ZFR: variants seen among roughly 807,000 people sequenced by gnomAD.
ZFR encodes the protein zinc finger RNA-binding protein.
ZFR carries 19 observed loss-of-function variants against 130.7 expected under a neutral mutation model. The observed-to-expected ratio is 0.15, with a 90% CI of 0.10 to 0.21. The LOEUF (loss-of-function observed/expected upper bound fraction) is 0.21, where lower values mean the gene tolerates loss of function less well. Ranked by LOEUF, ZFR falls within the 10% of genes least tolerant of loss-of-function variation. The pLI, the probability that ZFR is intolerant of heterozygous loss-of-function variation, is 1.00. For missense variants in ZFR, 872 were observed against 1,321.5 expected (o/e 0.66, Z 5.27); for synonymous variants, 466 against 456.9 (o/e 1.02, Z -0.25).
chr5:32,354,706 G>A lies in ZFR; in HGVS notation c.*1054C>T, dbSNP rs1752269043. 6.6e-6 allele frequency: 1 copy of A among 152,562 alleles called. No individual in the cohort carries two copies. Among genetic ancestry groups the A allele is most frequent in the South Asian group, 2.1e-4 (1 of 4,824 alleles). The allele number at this position is 152,562 out of a possible 1,614,324, so 9.5% of individuals were successfully genotyped here. ...CTGTAAATTATCTGGGTGATGGGGTGTGTGGAGAAGATCATCTGTGTTATA... is the reference window on the plus strand; with the variant it reads ...CTGTAAATTATCTGGGTGATGGGGTATGTGGAGAAGATCATCTGTGTTATA... On this transcript the variant is annotated 3_prime_UTR_variant, in exon 20 of 20. Coordinates refer to ENST00000265069, the MANE Select transcript of ZFR (RefSeq NM_016107.5).
chr5:32,395,812 GCTTA>G (rs139572588), intron 10 of ZFR, among the ~76,000 whole-genome samples: 2,543 of 152,012 alleles, frequency 0.017, 37 homozygotes, highest in Non-Finnish European at 0.026. Flanking sequence ...CTCTTCTCTA[GCTTA>G]CTTTATTCTA....
Position 32,354,819 on chromosome 5 carries a change from T to C in ZFR, c.*941A>G, listed in dbSNP as rs1283992168. The C allele has an allele frequency of 6.6e-6, 1 of 152,522 alleles. No homozygotes were observed. The highest frequency in any genetic ancestry group is 1.5e-5 in the Non-Finnish European group (1 of 68,028). 9.4% of individuals were successfully genotyped at this position (152,522 alleles called of 1,614,324 possible). A position where few individuals can be genotyped will look rare whatever the true frequency, so the allele number is the denominator to read the frequency against. On this transcript the variant is annotated 3_prime_UTR_variant, in exon 20 of 20. Transcript: ENST00000265069. Reference sequence around the variant, plus strand: ...CTAGTTACTGTTGTTAGTTGTACAATGATGAAGTTCTTTTGAAAATATTGG... The same window carrying C: ...CTAGTTACTGTTGTTAGTTGTACAACGATGAAGTTCTTTTGAAAATATTGG...
intron 2 of ZFR, among the ~76,000 whole-genome samples, chr5:32,426,537 T>C (rs1032065796): frequency 2.0e-5 from 3 of 152,226 alleles, no homozygotes; most frequent in Non-Finnish European, 4.4e-5. Context: ...CAAAGCTGCA[T>C]GCTTTTACTG....
Position 32,419,903 on chromosome 5 carries a change from T to G in ZFR, c.338A>C (p.His113Pro), listed in dbSNP as rs1373271468. 2 of 1,613,904 alleles carry G rather than the reference T, an allele frequency of 1.2e-6. No homozygotes were observed. Among genetic ancestry groups the G allele is most frequent in the African/African-American group, 1.3e-5 (1 of 74,906 alleles). ...AGTATAACCATAGTCAGTTGCTGTG[T>G]GTGCAGTGGGGTAGCCTCCATAAGC... Reference protein sequence around the residue: ...AAAYGGYPTAHTATDYGYTQR... With the variant: ...AAAYGGYPTAPTATDYGYTQR... The change falls in exon 3 of 20, where the codon CAC becomes CCC. Residue 113 changes from histidine to proline, a missense_variant. By Grantham distance (77) the His-to-Pro change is moderately conservative. Around this residue, in one of 7 missense-constraint regions of ZFR, gnomAD observed 240 missense variants for 441.2 expected, o/e 0.54. Transcript: ENST00000265069.
At chr5:32,366,218 T>C (rs111566014) in intron 17 of ZFR, among the ~76,000 whole-genome samples, 2,865 of 152,320 alleles carry the variant, frequency 0.019, 85 homozygotes, top group African/African-American at 0.066. Context: ...TAGCAAAATA[T>C]TGATGTTGTG....
chr5:32,394,226 G>C (rs1410055162), intron 11 of ZFR, among the ~76,000 whole-genome samples: 1 of 152,028 alleles, frequency 6.6e-6, no homozygotes, highest in East Asian at 1.9e-4. Flanking sequence ...ACTAATGAAC[G>C]AATAAACAAA....
In ZFR at chr5:32,388,503, C is replaced by T; in HGVS notation, c.2314G>A (p.Glu772Lys). 1 of 1,614,000 alleles carries T rather than the reference C, an allele frequency of 6.2e-7. No homozygotes were observed. The highest frequency in any genetic ancestry group is 8.5e-7 in the Non-Finnish European group (1 of 1,179,916). The change falls in exon 13 of 20, where the codon GAG becomes AAG. Residue 772 changes from glutamate (E) to lysine (K), a missense_variant. Around this residue, in one of 7 missense-constraint regions of ZFR, gnomAD observed 225 missense variants for 282.4 expected, o/e 0.80. Transcript: ENST00000265069. Reference protein sequence around the residue: ...LSEHEKNKNKEGDDKKEGGKD... With the variant: ...LSEHEKNKNKKGDDKKEGGKD... Reference sequence around the variant, plus strand: ...CCTCCCTCTTTCTTATCATCTCCCTCTTTGTTCTTGTTCTTCTCATGTTCA... The same window carrying T: ...CCTCCCTCTTTCTTATCATCTCCCTTTTTGTTCTTGTTCTTCTCATGTTCA...
In ZFR at chr5:32,403,202, T is replaced by C. The variant is rs781141559; in HGVS notation, c.1420A>G (p.Asn474Asp). ...SSMKGLTTTG[N>D]SSLNSTSNTK... is the part of the protein sequence containing the mutation. ...TTAGATGTGCTATTAAGAGACGAGT[T>C]TCCTGTAGTCGTAAGACCCTTCATT... Residue 474 changes from asparagine to aspartate, a missense_variant, in exon 8 of 20, where the codon AAC (asparagine) becomes GAC (aspartate). Physicochemically the swap from Asn to Asp is conservative, Grantham distance 23. This residue lies in a region of ZFR where 143 missense variants were observed against 137.9 expected (regional missense o/e 1.04). Coordinates refer to ENST00000265069, the MANE Select transcript of ZFR (RefSeq NM_016107.5). 2.5e-6 allele frequency: 4 copies of C among 1,614,138 alleles called. No homozygotes were observed. Among genetic ancestry groups the C allele is most frequent in the Non-Finnish European group, 1.7e-6 (2 of 1,179,978 alleles).
At chr5:32,410,480 G>C (rs1310694896) in intron 5 of ZFR, among the ~76,000 whole-genome samples, 1 of 151,690 alleles carries the variant, frequency 6.6e-6, no homozygotes, top group African/African-American at 2.4e-5. Context: ...GCCAGGCATG[G>C]TGGCTCACGT....
At chr5:32,386,131 T>C (rs1249033841) in intron 14 of ZFR, among the ~76,000 whole-genome samples, 2 of 152,090 alleles carry the variant, frequency 1.3e-5, no homozygotes, top group African/African-American at 4.8e-5. Context: ...ATAAGCTCCA[T>C]TTTATACGAA....
intron 2 of ZFR, among the ~76,000 whole-genome samples, chr5:32,429,273 A>G (rs1218234771): frequency 6.6e-6 from 1 of 152,176 alleles, no homozygotes; most frequent in Non-Finnish European, 1.5e-5. Context: ...GGCTTGAGCC[A>G]CTGCGTCTGG....
intron 6 of ZFR, among the ~76,000 whole-genome samples, chr5:32,406,225 C>T (rs1243351754): frequency 1.3e-5 from 2 of 151,220 alleles, no homozygotes; most frequent in Non-Finnish European, 3.0e-5. Flanking sequence ...ACATGCCTCA[C>T]TAATTGGTAT....
At chr5:32,420,337 C>T (rs1753922771) in intron 2 of ZFR, among the ~76,000 whole-genome samples, 2 of 151,192 alleles carry the variant, frequency 1.3e-5, no homozygotes, top group African/African-American at 4.9e-5. Context: ...AATCTCAATA[C>T]ATTATATAGT....
At chr5:32,389,368 A>G (rs1277775836) in intron 12 of ZFR, among the ~76,000 whole-genome samples, 1 of 152,226 alleles carries the variant, frequency 6.6e-6, no homozygotes. Context: ...ATTTTTATAG[A>G]CACTGGGTCT....
At chr5:32,356,609 C>T (rs1479509988) in intron 19 of ZFR, among the ~76,000 whole-genome samples, 9 of 151,532 alleles carry the variant, frequency 5.9e-5, no homozygotes, top group African/African-American at 1.9e-4. Flanking sequence ...TTAGTAGAGA[C>T]GGGGTTTCAC....
intron 4 of ZFR, among the ~76,000 whole-genome samples, chr5:32,415,532 G>GCGCA (rs1561908653): frequency 2.7e-5 from 4 of 150,904 alleles, no homozygotes; most frequent in East Asian, 3.9e-4. Flanking sequence ...GCGCGCGCGC[G>GCGCA]CACTAGTCAG....
At chr5:32,393,404 C>T (rs373996728) in intron 11 of ZFR, among the ~76,000 whole-genome samples, 2 of 149,956 alleles carry the variant, frequency 1.3e-5, no homozygotes, top group African/African-American at 2.5e-5. Context: ...AGTATAATGG[C>T]GCGATCTCGC....
chr5:32,430,079 C>CAGA (rs376909635), intron 2 of ZFR, among the ~76,000 whole-genome samples: 3 of 70,314 alleles, frequency 4.3e-5, no homozygotes, highest in Non-Finnish European at 7.7e-5. Context: ...GACCCTATTT[C>CAGA]AAAAAAAAAA....
chr5:32,443,822 A>G (rs1754528044), intron 2 of ZFR, among the ~76,000 whole-genome samples: 1 of 152,144 alleles, frequency 6.6e-6, no homozygotes, highest in Non-Finnish European at 1.5e-5. Flanking sequence ...CCCTTCAGCC[A>G]CCCTCTCCAT....
Sources: gnomAD v4.1 joint callset for allele counts (sites outside exome capture counted in the v4.1 genomes callset) on GRCh38, gnomAD v4.1.1 for gene constraint, gnomAD v4.1.1 regional missense constraint, MANE v1.5 for transcripts, NCBI Gene and HGNC (gene_info 2026-07-23, HGNC 2026-07-21) for gene names.